Variants in ABTB3 observed in about 807,000 individuals in gnomAD.
ABTB3 encodes the protein ankyrin repeat- and BTB/POZ domain-containing protein 3.
the ABTB3 span, chr12:107,320,092 G>A: frequency 1.4e-6 from 2 of 1,423,816 alleles, no homozygotes; most frequent in Non-Finnish European, 9.3e-7. Flanking sequence ...GTCTGCGCGG[G>A]TGCCACTCCC....
At chr12:107,424,447 A>G in the ABTB3 span, among the ~76,000 whole-genome samples, 186 of 152,320 alleles carry the variant, frequency 1.2e-3, 1 homozygote, top group African/African-American at 4.3e-3. Flanking sequence ...TCGAGAGTAG[A>G]GAGGAAGATG....
chr12:107,630,268 G>A, the ABTB3 span, among the ~76,000 whole-genome samples: 13 of 152,256 alleles, frequency 8.5e-5, no homozygotes, highest in African/African-American at 2.2e-4. Context: ...TTTAGTAGAC[G>A]CTCAATAAAT....
At chr12:107,318,911 C>G in the ABTB3 span, 9 of 1,555,190 alleles carry the variant, frequency 5.8e-6, no homozygotes, top group Non-Finnish European at 7.0e-6. Flanking sequence ...CTTTGGCTCC[C>G]AGGCGGCTGC....
chr12:107,577,308 C>T, the ABTB3 span, among the ~76,000 whole-genome samples: 5 of 152,188 alleles, frequency 3.3e-5, no homozygotes, highest in African/African-American at 4.8e-5. Flanking sequence ...AAGGCCAAAA[C>T]GTTGATGGGC....
chr12:107,393,327 A>G, the ABTB3 span, among the ~76,000 whole-genome samples: 1 of 117,462 alleles, frequency 8.5e-6, no homozygotes, highest in African/African-American at 3.2e-5. Context: ...GGTTTCCTGT[A>G]TCAGGCAGGG....
At chr12:107,619,142 C>T in the ABTB3 span, among the ~76,000 whole-genome samples, 1 of 152,198 alleles carries the variant, frequency 6.6e-6, no homozygotes, top group African/African-American at 2.4e-5. Flanking sequence ...GAAATGACCT[C>T]TCTCCAGGGA....
chr12:107,404,106 T>A, the ABTB3 span, among the ~76,000 whole-genome samples: 18 of 133,506 alleles, frequency 1.3e-4, no homozygotes, highest in East Asian at 3.9e-3. Flanking sequence ...GAGGTTCTAG[T>A]GAGCTGAGAT....
At chr12:107,450,419 G>C in the ABTB3 span, among the ~76,000 whole-genome samples, 7 of 152,070 alleles carry the variant, frequency 4.6e-5, no homozygotes, top group Non-Finnish European at 8.8e-5. Flanking sequence ...TCCATCCCTC[G>C]ATGGAGTGCA....
At chr12:107,625,014 T>C in the ABTB3 span, among the ~76,000 whole-genome samples, 3 of 152,252 alleles carry the variant, frequency 2.0e-5, no homozygotes, top group Non-Finnish European at 2.9e-5. Context: ...ATTTTTCATT[T>C]TAGCCATTTT....
chr12:107,320,694 A>G, the ABTB3 span: 3 of 455,958 alleles, frequency 6.6e-6, no homozygotes, highest in African/African-American at 6.0e-5. Context: ...TTTCCAGAGC[A>G]GTTTTTGAGG....
the ABTB3 span, among the ~76,000 whole-genome samples, chr12:107,384,762 T>C: frequency 2.0e-5 from 3 of 152,172 alleles, no homozygotes; most frequent in Admixed American, 6.5e-5. Context: ...GAGGCCTTCC[T>C]TAGGCTGAGC....
chr12:107,618,625 CAT>C, the ABTB3 span, among the ~76,000 whole-genome samples: 1 of 152,208 alleles, frequency 6.6e-6, no homozygotes, highest in Non-Finnish European at 1.5e-5. Flanking sequence ...ATCCTCAGAC[CAT>C]CTTTCCATGA....
chr12:107,538,959 G>A, the ABTB3 span, among the ~76,000 whole-genome samples: 1 of 152,114 alleles, frequency 6.6e-6, no homozygotes, highest in Non-Finnish European at 1.5e-5. Flanking sequence ...CCTTTTTGGA[G>A]GCACTGTGTC....
chr12:107,502,617 A>G, the ABTB3 span, among the ~76,000 whole-genome samples: 2 of 152,152 alleles, frequency 1.3e-5, no homozygotes, highest in Non-Finnish European at 2.9e-5. Context: ...ACAGACTGGT[A>G]CAGGTCTGTG....
the ABTB3 span, among the ~76,000 whole-genome samples, chr12:107,467,296 C>T: frequency 1.0e-3 from 159 of 152,096 alleles, no homozygotes; most frequent in African/African-American, 3.5e-3. Context: ...CACAAGAAAA[C>T]GGGCCTTTGT....
chr12:107,510,286 G>A, the ABTB3 span, among the ~76,000 whole-genome samples: 2 of 152,050 alleles, frequency 1.3e-5, no homozygotes, highest in Non-Finnish European at 2.9e-5. Context: ...GGACTTAGCA[G>A]AGTCAGCTCT....
At chr12:107,428,645 C>G in the ABTB3 span, among the ~76,000 whole-genome samples, 1 of 152,364 alleles carries the variant, frequency 6.6e-6, no homozygotes, top group African/African-American at 2.4e-5. Context: ...TCTGCTCTTT[C>G]TCTTGCACTC....
At chr12:107,490,331 A>C in the ABTB3 span, among the ~76,000 whole-genome samples, 3 of 152,198 alleles carry the variant, frequency 2.0e-5, no homozygotes, top group African/African-American at 7.2e-5. Flanking sequence ...CCTGGTCAAC[A>C]GCTCAACTGC....
the ABTB3 span, among the ~76,000 whole-genome samples, chr12:107,460,025 C>T: frequency 6.6e-6 from 1 of 152,234 alleles, no homozygotes; most frequent in Non-Finnish European, 1.5e-5. Flanking sequence ...TCCCTGTACC[C>T]TCCTGGTGCC....
Sources: allele counts gnomAD v4.1 joint callset (sites outside exome capture counted in the v4.1 genomes callset), GRCh38; gene constraint gnomAD v4.1.1; transcripts MANE v1.5; gene names NCBI Gene and HGNC (gene_info 2026-07-23, HGNC 2026-07-21).